The following BRPF1 variants were observed in gnomAD, a reference collection of about 807,000 sequenced individuals.
The protein encoded by BRPF1 is peregrin.
Under a neutral mutation model 115.0 loss-of-function variants are expected in BRPF1, and 15 were observed. That is an observed-to-expected ratio of 0.13 (90% CI 0.09 to 0.20). The LOEUF is 0.20. Ranked by LOEUF, BRPF1 falls within the 10% of genes least tolerant of loss-of-function variation. The pLI is 1.00. For synonymous variants in BRPF1, 647 were observed against 619.8 expected, an observed-to-expected ratio of 1.04 and a Z score of -0.65; for missense variants, 1,118 against 1,638.3, an observed-to-expected ratio of 0.68 and a Z score of 5.48.
At position 9,739,973 on chromosome 3, in the gene BRPF1, G is replaced by A. The variant is rs547750489; in HGVS notation, c.1559+15G>A. 25 of 1,548,506 alleles carry A rather than the reference G, an allele frequency of 1.6e-5. No homozygotes were observed. Among genetic ancestry groups the A allele is most frequent in the African/African-American group, 1.2e-4 (9 of 74,012 alleles). ...CCACCACACAGGTATGTGGGGAGCC[G>A]GTGGACAGGCAGATGAGGGAGAAAG... On this transcript the variant is annotated intron_variant, in intron 3 of 13. Transcript: ENST00000383829.
rs1479103447 is a variant in BRPF1, at chr3:9,743,214, A to G, written c.2272A>G (p.Ser758Gly). 1 of 1,614,170 alleles carries G rather than the reference A, an allele frequency of 6.2e-7. No homozygotes were observed. Among genetic ancestry groups the G allele is most frequent in the Non-Finnish European group, 8.5e-7 (1 of 1,179,998 alleles). The change falls in exon 7 of 14, where the codon AGC becomes GGC. Residue 758 changes from serine to glycine, a missense_variant. Physicochemically the swap from Ser to Gly is moderately conservative, Grantham distance 56 (BLOSUM62 0). Transcript: ENST00000383829. This position sits in a 1 kb window ranked among gnomAD's most constrained non-coding sequence, Gnocchi z 6.1. ...TGAGACGGGCATGCATATCCCCCACAGCCTGGCTGGAGATGAGGCCACACA... is the reference window on the plus strand; with the variant it reads ...TGAGACGGGCATGCATATCCCCCACGGCCTGGCTGGAGATGAGGCCACACA... ...DFETGMHIPHSLAGDEATHHT... is the reference protein window; with the variant it reads ...DFETGMHIPHGLAGDEATHHT...
At position 9,743,066 on chromosome 3, in the gene BRPF1, C is replaced by T; in HGVS notation, c.2124C>T (p.Ser708=). 1 of 1,614,244 alleles carries T rather than the reference C, an allele frequency of 6.2e-7. No homozygotes were observed. Among genetic ancestry groups the T allele is most frequent in the Non-Finnish European group, 8.5e-7 (1 of 1,180,054 alleles). ...AGGAGGACTTCAACCTCATCGTCAGCAACTGCCTCAAGTATAACGCCAAGG... is the reference window on the plus strand; with the variant it reads ...AGGAGGACTTCAACCTCATCGTCAGTAACTGCCTCAAGTATAACGCCAAGG... The part of the protein sequence containing the change: ...DFEEDFNLIV[S]NCLKYNAKDT... Residue 708 remains serine (S), a synonymous_variant, in exon 7 of 14, where the codon AGC becomes AGT. Transcript: ENST00000383829. This position sits in a 1 kb window ranked among gnomAD's most constrained non-coding sequence, Gnocchi z 6.1.
chr3:9,744,132 A>G (rs544814194), intron 8 of BRPF1, 92 bp from the exon 9 acceptor site: 7 of 1,414,204 alleles, frequency 4.9e-6, no homozygotes, highest in Admixed American at 2.3e-5. Context: ...AGCTGGAGTA[A>G]TGGTCCTATA....
chr3:9,741,186 A>G (rs769451679), intron 4 of BRPF1, 122 bp from the exon 5 acceptor site: 1 of 1,268,500 alleles, frequency 7.9e-7, no homozygotes, highest in South Asian at 1.5e-5. Flanking sequence ...AGATTGAGGC[A>G]CTACCAATAA....
chr3:9,742,496 G>T, intron 6 of BRPF1: 1 of 985,424 alleles, frequency 1.0e-6, no homozygotes, highest in Non-Finnish European at 1.2e-6. Flanking sequence ...TAAAGAACCA[G>T]CTCTGAAGCC....
At chr3:9,737,219 GAT>G (rs1215512650) in intron 2 of BRPF1, among the ~76,000 whole-genome samples, 2 of 152,204 alleles carry the variant, frequency 1.3e-5, no homozygotes, top group Non-Finnish European at 2.9e-5. Context: ...AATGAACAGT[GAT>G]GAGTGCCTGT....
intron 2 of BRPF1, among the ~76,000 whole-genome samples, 195 bp from the exon 3 acceptor site, chr3:9,738,804 A>G (rs1354734745): frequency 6.6e-6 from 1 of 152,204 alleles, no homozygotes; most frequent in Non-Finnish European, 1.5e-5. Flanking sequence ...TAACCTTCCA[A>G]GCCTTAGGTT....
Position 9,739,910 on chromosome 3 carries a change from A to G in BRPF1, c.1511A>G (p.Lys504Arg), listed in dbSNP as rs752949724. Residue 504 changes from lysine (K) to arginine (R), a missense_variant, in exon 3 of 14, where the codon AAG (lysine) becomes AGG (arginine). By Grantham distance (26) the Lys-to-Arg change is conservative. This residue lies in a region of BRPF1 where 178 missense variants were observed against 303.7 expected (regional missense o/e 0.59). Transcript: ENST00000383829. Reference sequence around the variant, plus strand: ...AAGGCACGGAAGATCCTGGCAGAGAAGCGGGCAGCAGCACCTGTGGTGTCA... The same window carrying G: ...AAGGCACGGAAGATCCTGGCAGAGAGGCGGGCAGCAGCACCTGTGGTGTCA... ...MKKARKILAE[K>R]RAAAPVVSVP... The G allele has an allele frequency of 3.8e-6, 6 of 1,581,328 alleles. No individual in the cohort carries two copies. The East Asian group carries it at 6.8e-5, about 18-fold the overall frequency.
At chr3:9,746,597 GCGAAAGGGTTGTGTCGA>G in intron 13 of BRPF1, 143 bp downstream of exon 13, 1 of 1,041,246 alleles carries the variant, frequency 9.6e-7, no homozygotes, top group Non-Finnish European at 1.3e-6. Flanking sequence ...AGTTTTTTGA[GCGAAAGGGTTGTGTCGA>G]CCATGTGTCT....
intron 6 of BRPF1, 122 bp from the exon 7 acceptor site, chr3:9,742,822 C>G (rs2077053868): frequency 3.4e-5 from 37 of 1,089,986 alleles, no homozygotes; most frequent in Non-Finnish European, 4.7e-5. Flanking sequence ...GTGCTATATG[C>G]CTGCCTCTAA....
intron 1 of BRPF1, chr3:9,732,826 G>C (rs554148294): frequency 3.3e-5 from 5 of 152,378 alleles, no homozygotes; most frequent in African/African-American, 1.2e-4. Flanking sequence ...TTTTGTCAGG[G>C]AGCTCATGAT....
chr3:9,736,478 A>C (rs546744855), intron 2 of BRPF1, among the ~76,000 whole-genome samples: 4 of 152,024 alleles, frequency 2.6e-5, no homozygotes, highest in Non-Finnish European at 5.9e-5. Context: ...TTTTCTGTTC[A>C]CACTGACTGC....
At chr3:9,741,676 CG>C (rs1457776966) in intron 5 of BRPF1, among the ~76,000 whole-genome samples, 3 of 149,638 alleles carry the variant, frequency 2.0e-5, no homozygotes, top group Admixed American at 1.3e-4. Context: ...GAAGGAATAG[CG>C]TGTGTACCCC....
intron 4 of BRPF1, 46 bp downstream of exon 4, chr3:9,740,987 G>A (rs1233901090): frequency 6.4e-7 from 1 of 1,569,310 alleles, no homozygotes; most frequent in East Asian, 2.3e-5. Context: ...AGCGCCAGGG[G>A]GACGAAAACC....
At chr3:9,744,656 A>C in intron 9 of BRPF1, 148 bp downstream of exon 9, 1 of 672,746 alleles carries the variant, frequency 1.5e-6, no homozygotes, top group East Asian at 2.9e-5. Flanking sequence ...CTCATCTTAC[A>C]GTTGGGAAAA....
rs1240742957 is a variant in BRPF1 at position 9,745,416 on chromosome 3, G to C, written c.3069-157G>C. On this transcript the variant is annotated intron_variant, in intron 10 of 13. Coordinates refer to ENST00000383829, the MANE Select transcript of BRPF1 (RefSeq NM_001003694.2). The surrounding 1 kb of genome is among the most constrained non-coding windows in gnomAD (Gnocchi z 5.1). The stretch of plus-strand genomic sequence containing the variant: ...CTAACCCACCTCTGTTAGGTCATCA[G>C]CCTAGCCCCTGTGGGTGTTTGAATT... Among the ~76,000 whole-genome samples the C allele has an allele frequency of 1.3e-5, 2 of 152,254 alleles. No homozygotes were observed. The highest frequency in any genetic ancestry group is 4.8e-5 in the African/African-American group (2 of 41,464).
chr3:9,739,654 C>A lies in BRPF1; in HGVS notation c.1255C>A (p.Leu419Ile). The A allele has an allele frequency of 6.2e-7, 1 of 1,611,972 alleles. No individual in the cohort carries two copies. The highest frequency in any genetic ancestry group is 1.7e-5 in the Admixed American group (1 of 59,998). ...TGTGACATGCGCCCAGCAGGCTGGC[C>A]TTTACATGAAGATGGAGCCTGTGCG... ...FHVTCAQQAG[L>I]YMKMEPVRET... is the part of the protein sequence containing the mutation. The change falls in exon 3 of 14, where the codon CTT becomes ATT. Residue 419 changes from leucine to isoleucine, a missense_variant. By Grantham distance (5) the Leu-to-Ile change is conservative (BLOSUM62 2). This residue lies in a region of BRPF1 where 87 missense variants were observed against 93.4 expected (regional missense o/e 0.93). Coordinates refer to ENST00000383829, the MANE Select transcript of BRPF1 (RefSeq NM_001003694.2).
In BRPF1 at chr3:9,743,952, T is replaced by C. The variant is rs1362081977; in HGVS notation, c.2635+51T>C. 1 of 1,520,902 alleles carries C rather than the reference T, an allele frequency of 6.6e-7. No individual in the cohort carries two copies. Among genetic ancestry groups the C allele is most frequent in the Non-Finnish European group, 8.8e-7 (1 of 1,131,712 alleles). The allele number at this position is 1,520,902 out of a possible 1,614,324, so 94.2% of individuals were successfully genotyped here. On this transcript the variant is annotated intron_variant, in intron 8 of 13. Transcript: ENST00000383829. The surrounding 1 kb of genome is among the most constrained non-coding windows in gnomAD (Gnocchi z 6.1). ...CCCAAAGCAAGTCAGACTTTGGCTC[T>C]GCAGCACACACTCAACCCCTGCCAT...
Position 9,746,341 on chromosome 3 carries a change from T to G in BRPF1, c.3366T>G (p.His1122Gln). ...PKMPREGMFH[H>Q]GVPIPVPPLE... ...TGCCCCGAGAAGGTATGTTCCACCATGGGGTTCCCATCCCTGTGCCCCCAC... is the reference window on the plus strand; with the variant it reads ...TGCCCCGAGAAGGTATGTTCCACCAGGGGGTTCCCATCCCTGTGCCCCCAC... Residue 1122 changes from histidine to glutamine, a missense_variant, in exon 13 of 14, where the codon CAT becomes CAG. His to Gln is a conservative substitution (Grantham distance 24). Transcript: ENST00000383829. 6.3e-7 allele frequency: 1 copy of G among 1,599,414 alleles called. No individual in the cohort carries two copies. Among genetic ancestry groups the G allele is most frequent in the Non-Finnish European group, 8.5e-7 (1 of 1,171,230 alleles).
Sources: gnomAD v4.1 joint callset for allele counts (sites outside exome capture counted in the v4.1 genomes callset) on GRCh38, gnomAD v4.1.1 for gene constraint, gnomAD v4.1.1 regional missense constraint, Gnocchi (gnomAD v3.1) non-coding constraint, MANE v1.5 for transcripts, NCBI Gene and HGNC (gene_info 2026-07-23, HGNC 2026-07-21) for gene names.